The following TRPM3 variants were observed in gnomAD, a reference collection of about 807,000 sequenced individuals.
The protein encoded by TRPM3 is long transient receptor potential channel 3.
A neutral mutation model predicts 181.2 loss-of-function variants in TRPM3; 77 were observed. The ratio of observed to expected loss-of-function variants is 0.42; its 90% CI spans 0.35 to 0.51. The LOEUF (loss-of-function observed/expected upper bound fraction) is 0.51, where lower values mean the gene tolerates loss of function less well. Among genes scored for constraint, TRPM3 ranks in the 20% least tolerant of loss-of-function variants. The pLI is 0.01. For synonymous variants in TRPM3, 745 were observed against 796.4 expected (o/e 0.94, Z 1.09); for missense variants, 1,759 against 2,196.7 (o/e 0.80, Z 3.98).
chr9:71,092,738 G>A (rs1204973850), intron 1 of TRPM3, among the ~76,000 whole-genome samples: 2 of 152,102 alleles, frequency 1.3e-5, no homozygotes, highest in African/African-American at 4.8e-5. Context: ...TTGTTATAAT[G>A]TAGCTCTTAC....
At chr9:71,041,283 A>C (rs1202252455) in intron 1 of TRPM3, among the ~76,000 whole-genome samples, 2 of 152,174 alleles carry the variant, frequency 1.3e-5, no homozygotes, top group Non-Finnish European at 2.9e-5. Context: ...AAATTTGGTG[A>C]ATCCAAGTAA....
chr9:71,435,743 T>G (rs1245308247), intron 1 of TRPM3, among the ~76,000 whole-genome samples: 2 of 152,194 alleles, frequency 1.3e-5, no homozygotes, highest in Non-Finnish European at 2.9e-5. Flanking sequence ...TTCCAGAACC[T>G]GTGAATATGC....
At chr9:71,328,862 G>A (rs1163464041) in intron 1 of TRPM3, among the ~76,000 whole-genome samples, 1 of 152,202 alleles carries the variant, frequency 6.6e-6, no homozygotes, top group Non-Finnish European at 1.5e-5. Context: ...CTTCAATGCT[G>A]TCACAGAAAG....
At chr9:71,000,541 T>C (rs559580096) in intron 1 of TRPM3, among the ~76,000 whole-genome samples, 78 of 152,332 alleles carry the variant, frequency 5.1e-4, no homozygotes, top group Middle Eastern at 3.4e-3. Flanking sequence ...AAATTTAGAT[T>C]TCCCTTTTCA....
At chr9:70,649,377 C>T (rs923246305) in intron 9 of TRPM3, among the ~76,000 whole-genome samples, 8 of 151,978 alleles carry the variant, frequency 5.3e-5, no homozygotes, top group Admixed American at 2.0e-4. Context: ...TTAGTAGAGA[C>T]AGTGTTTTGC....
At chr9:71,229,056 G>A (rs1197263808) in intron 1 of TRPM3, among the ~76,000 whole-genome samples, 3 of 152,122 alleles carry the variant, frequency 2.0e-5, no homozygotes, top group Non-Finnish European at 4.4e-5. Context: ...CACGTTACCT[G>A]ACTTCAAATT....
At chr9:71,290,102 G>C (rs1394127868) in intron 1 of TRPM3, among the ~76,000 whole-genome samples, 1 of 151,914 alleles carries the variant, frequency 6.6e-6, no homozygotes, top group African/African-American at 2.4e-5. Context: ...AAGCTCAGAG[G>C]CTGGAGAACA....
rs527381619 is a variant in TRPM3, at chr9:71,261,553, G to T, written c.183+185100C>A. The stretch of plus-strand genomic sequence containing the variant: ...CATCCAGTTTTGTTCCCTTGCTGGC[G>T]AGGAGTTGTGATCCTTTGGAGAAGA... On this transcript the variant is annotated intron_variant, in intron 1 of 24. Transcript: ENST00000357533. Among the ~76,000 whole-genome samples, 3 of 152,164 alleles carry T rather than the reference G, an allele frequency of 2.0e-5. No homozygotes were observed. In the East Asian group the frequency reaches 5.8e-4, roughly 29 times the overall value.
intron 22 of TRPM3, among the ~76,000 whole-genome samples, chr9:70,585,356 A>T (rs1192689402): frequency 6.6e-6 from 1 of 151,962 alleles, no homozygotes; most frequent in Non-Finnish European, 1.5e-5. Flanking sequence ...GCCCGCTGGT[A>T]AGCTCACCCA....
intron 1 of TRPM3, among the ~76,000 whole-genome samples, chr9:71,337,876 G>T (rs548946161): frequency 1.1e-4 from 17 of 152,218 alleles, no homozygotes; most frequent in Non-Finnish European, 2.2e-4. Flanking sequence ...AGTGGGAGTT[G>T]AACAATGAGA....
Position 71,204,106 on chromosome 9 carries a change from A to G in TRPM3, c.183+242547T>C, listed in dbSNP as rs536145714. On this transcript the variant is annotated intron_variant, in intron 1 of 24. Transcript: ENST00000357533. ...AAACATTAGACCTAAAACCATAAAA[A>G]CCCTAGAAGAAAACCTAGGCAATAC... 3.3e-5 allele frequency among the ~76,000 whole-genome samples: 5 copies of G among 151,242 alleles called. No homozygotes were observed. The East Asian group carries it at 9.7e-4, about 29-fold the overall frequency.
chr9:70,547,215 T>G lies in TRPM3; in HGVS notation c.3707+2327A>C, dbSNP rs563271348. ...AATATGAATGTAAAATTATATAATC[T>G]ACACACTGTATAGAATATACACAGC... On this transcript the variant is annotated intron_variant, in intron 25 of 25. Transcript: ENST00000677713. 1.3e-4 allele frequency among the ~76,000 whole-genome samples: 20 copies of G among 152,306 alleles called. No individual in the cohort carries two copies. In the East Asian group the frequency reaches 2.5e-3, roughly 19 times the overall value.
At chr9:71,281,203 T>A (rs563515413) in intron 1 of TRPM3, among the ~76,000 whole-genome samples, 2 of 152,326 alleles carry the variant, frequency 1.3e-5, no homozygotes, top group East Asian at 3.9e-4. Flanking sequence ...CCCTGGTTTT[T>A]CAAGGTTAGC....
At chr9:70,759,980 A>C (rs1222222351) in intron 8 of TRPM3, among the ~76,000 whole-genome samples, 4 of 152,262 alleles carry the variant, frequency 2.6e-5, no homozygotes, top group Non-Finnish European at 4.4e-5. Context: ...TTTAAAAAAT[A>C]ATTTTTTTAA....
chr9:70,972,615 G>C (rs1227747575), intron 1 of TRPM3, among the ~76,000 whole-genome samples: 7 of 152,102 alleles, frequency 4.6e-5, no homozygotes, highest in African/African-American at 1.7e-4. Context: ...AAACTTTATG[G>C]TATGTAAATT....
At chr9:71,155,046 GT>G (rs2134655358) in intron 1 of TRPM3, among the ~76,000 whole-genome samples, 1 of 152,158 alleles carries the variant, frequency 6.6e-6, no homozygotes, top group Non-Finnish European at 1.5e-5. Flanking sequence ...TTCAGAAACC[GT>G]TTTATCCTCA....
chr9:71,197,307 T>C (rs1329538068), intron 1 of TRPM3, among the ~76,000 whole-genome samples: 2 of 152,180 alleles, frequency 1.3e-5, no homozygotes, highest in African/African-American at 4.8e-5. Context: ...TCTTTGCTAT[T>C]GTGAATAGTG....
At chr9:71,173,603 G>A (rs1017328541) in intron 1 of TRPM3, among the ~76,000 whole-genome samples, 3 of 152,202 alleles carry the variant, frequency 2.0e-5, no homozygotes, top group African/African-American at 7.2e-5. Flanking sequence ...TGTATTGAGG[G>A]AGGTGCATGA....
intron 1 of TRPM3, among the ~76,000 whole-genome samples, chr9:70,914,287 CAG>C (rs574433293): frequency 1.4e-3 from 219 of 152,306 alleles, no homozygotes; most frequent in Non-Finnish European, 2.6e-3. Context: ...ATTTTGGAAG[CAG>C]AGATTCCTCA....
Sources: gnomAD v4.1 joint callset for allele counts (sites outside exome capture counted in the v4.1 genomes callset) on GRCh38, gnomAD v4.1.1 for gene constraint, MANE v1.5 for transcripts, NCBI Gene and HGNC (gene_info 2026-07-23, HGNC 2026-07-21) for gene names.